The following RAB38 variants were observed in gnomAD, a reference collection of about 807,000 sequenced individuals.
RAB38 encodes the protein ras-related protein Rab-38.
Under a neutral mutation model 18.4 loss-of-function variants are expected in RAB38, and 15 were observed. That is an observed-to-expected ratio of 0.82 (90% CI 0.55 to 1.26). The LOEUF is 1.26. Among genes scored for constraint, RAB38 ranks in the 50% most tolerant of loss-of-function variants. The pLI is 0.00. For synonymous variants in RAB38, 101 were observed against 104.4 expected (o/e 0.97, Z 0.20); for missense variants, 294 against 267.4 (o/e 1.10, Z -0.69).
At chr11:87,972,693 C>G in the RAB38 span, among the ~76,000 whole-genome samples, 1 of 152,050 alleles carries the variant, frequency 6.6e-6, no homozygotes, top group Non-Finnish European at 1.5e-5. Context: ...TTCCAGACAG[C>G]TTTTTGAATA....
chr11:88,163,121 CTG>C (rs1943206511), intron 1 of RAB38, among the ~76,000 whole-genome samples: 1 of 152,052 alleles, frequency 6.6e-6, no homozygotes, highest in Admixed American at 6.6e-5. Flanking sequence ...TGCTGCAAAC[CTG>C]TGCAGCCTGT....
At chr11:87,810,057 A>G in the RAB38 span, among the ~76,000 whole-genome samples, 1 of 152,202 alleles carries the variant, frequency 6.6e-6, no homozygotes, top group Non-Finnish European at 1.5e-5. Flanking sequence ...CATTTTTCCA[A>G]TAATACTTCA....
At chr11:87,938,096 C>T in the RAB38 span, among the ~76,000 whole-genome samples, 1 of 152,076 alleles carries the variant, frequency 6.6e-6, no homozygotes, top group Non-Finnish European at 1.5e-5. Flanking sequence ...CTCGCTTTCT[C>T]TGTCATCTTG....
the RAB38 span, among the ~76,000 whole-genome samples, chr11:88,018,179 CT>C: frequency 0.022 from 3,416 of 152,238 alleles, 124 homozygotes; most frequent in African/African-American, 0.078. Flanking sequence ...CCCCTATCAA[CT>C]TTTTTCTGCC....
At chr11:88,006,971 C>T in the RAB38 span, among the ~76,000 whole-genome samples, 1 of 151,420 alleles carries the variant, frequency 6.6e-6, no homozygotes, top group Non-Finnish European at 1.5e-5. Flanking sequence ...TTTCAAAATA[C>T]CTAAAGGAGA....
the RAB38 span, among the ~76,000 whole-genome samples, chr11:87,844,256 G>A: frequency 2.6e-5 from 4 of 152,094 alleles, no homozygotes; most frequent in Non-Finnish European, 5.9e-5. Flanking sequence ...AACATACAAG[G>A]ATAGTAATTC....
chr11:88,021,474 C>T, the RAB38 span, among the ~76,000 whole-genome samples: 1 of 151,972 alleles, frequency 6.6e-6, no homozygotes, highest in Admixed American at 6.6e-5. Context: ...AGCCCAGGAC[C>T]CATTGGCTTC....
chr11:87,875,536 A>C, the RAB38 span, among the ~76,000 whole-genome samples: 16 of 151,464 alleles, frequency 1.1e-4, no homozygotes, highest in Non-Finnish European at 2.1e-4. Context: ...TTTGATTCAG[A>C]CTTAGTGAAA....
the RAB38 span, among the ~76,000 whole-genome samples, chr11:87,895,153 C>T: frequency 1.4e-4 from 21 of 151,516 alleles, no homozygotes; most frequent in Non-Finnish European, 1.5e-5. Flanking sequence ...ATTGCTCTAG[C>T]GGGGCCTCTG....
At chr11:88,147,194 T>G (rs553093883) in intron 2 of RAB38, among the ~76,000 whole-genome samples, 2 of 152,354 alleles carry the variant, frequency 1.3e-5, no homozygotes, top group African/African-American at 4.8e-5. Flanking sequence ...TGTTGTTGTT[T>G]TTATCCATGA....
the RAB38 span, among the ~76,000 whole-genome samples, chr11:87,895,638 T>C: frequency 3.3e-5 from 5 of 151,668 alleles, no homozygotes; most frequent in African/African-American, 1.2e-4. Flanking sequence ...CCAAAGATTA[T>C]ACTACTTCCA....
chr11:87,975,054 C>T, the RAB38 span, among the ~76,000 whole-genome samples: 1 of 151,864 alleles, frequency 6.6e-6, no homozygotes, highest in Non-Finnish European at 1.5e-5. Flanking sequence ...TGATTGCCAG[C>T]AATCCTTGGC....
chr11:87,871,598 A>G, the RAB38 span, among the ~76,000 whole-genome samples: 1 of 151,590 alleles, frequency 6.6e-6, no homozygotes, highest in Non-Finnish European at 1.5e-5. Context: ...GTAGTGTGTC[A>G]TAAGTATGTA....
chr11:87,868,427 C>A, the RAB38 span, among the ~76,000 whole-genome samples: 1 of 151,524 alleles, frequency 6.6e-6, no homozygotes, highest in East Asian at 1.9e-4. Context: ...AAACCATGAG[C>A]CAATAAACTT....
chr11:88,130,900 G>A (rs1022716043), intron 2 of RAB38, among the ~76,000 whole-genome samples: 6 of 152,098 alleles, frequency 3.9e-5, no homozygotes, highest in African/African-American at 1.4e-4. Context: ...ATTTTAGAAT[G>A]TTCTCAGAAT....
the RAB38 span, among the ~76,000 whole-genome samples, chr11:87,820,495 C>G: frequency 6.6e-6 from 1 of 152,248 alleles, no homozygotes; most frequent in Non-Finnish European, 1.5e-5. Context: ...CCATCTGGTT[C>G]AAAAGAAACA....
the RAB38 span, among the ~76,000 whole-genome samples, chr11:87,912,762 C>CTTTTTTTTTTTT: frequency 1.3e-3 from 112 of 86,374 alleles, 1 homozygote; most frequent in East Asian, 3.0e-3. Flanking sequence ...AATTTTCTTT[C>CTTTTTTTTTTTT]TTTCTTTTTT....
the RAB38 span, among the ~76,000 whole-genome samples, chr11:87,890,063 A>T: frequency 1.3e-5 from 2 of 151,848 alleles, no homozygotes; most frequent in African/African-American, 4.8e-5. Flanking sequence ...CAGTAATTAG[A>T]TATAAAGAGG....
intron 1 of RAB38, among the ~76,000 whole-genome samples, chr11:88,174,513 T>C (rs760694858): frequency 4.1e-5 from 6 of 148,012 alleles, no homozygotes; most frequent in Non-Finnish European, 8.9e-5. Flanking sequence ...CTCCTTTTCA[T>C]AGAAGACAGA....
Sources: gnomAD v4.1 joint callset for allele counts (sites outside exome capture counted in the v4.1 genomes callset) on GRCh38, gnomAD v4.1.1 for gene constraint, MANE v1.5 for transcripts, NCBI Gene and HGNC (gene_info 2026-07-23, HGNC 2026-07-21) for gene names.